The following CADPS variants were observed in gnomAD, a reference collection of about 807,000 sequenced individuals.
The protein encoded by CADPS is calcium dependent secretion activator, also known as calcium-dependent secretion activator 1.
CADPS carries 57 observed loss-of-function variants against 167.3 expected under a neutral mutation model. The observed-to-expected ratio is 0.34, with a 90% CI of 0.28 to 0.42. The LOEUF (loss-of-function observed/expected upper bound fraction) is 0.42. Ranked by LOEUF, CADPS falls within the 20% of genes least tolerant of loss-of-function variation. The pLI is 1.00. For synonymous variants in CADPS, 676 were observed against 635.3 expected, an observed-to-expected ratio of 1.06 and a Z score of -0.96; for missense variants, 1,414 against 1,738.1, an observed-to-expected ratio of 0.81 and a Z score of 3.32.
At chr3:62,516,001 T>C (rs1448836506) in intron 16 of CADPS, 58 bp downstream of exon 16, 1 of 1,604,608 alleles carries the variant, frequency 6.2e-7, no homozygotes, top group Non-Finnish European at 8.5e-7. Flanking sequence ...GAGAAAGACT[T>C]CCCCAGGGAG....
intron 1 of CADPS, among the ~76,000 whole-genome samples, chr3:62,769,186 T>G (rs572153242): frequency 6.6e-6 from 1 of 152,046 alleles, no homozygotes; most frequent in Admixed American, 6.6e-5. Flanking sequence ...ACAGGATGAA[T>G]GCTCAATACA....
chr3:62,811,004 T>C (rs2094366853), intron 1 of CADPS, among the ~76,000 whole-genome samples: 1 of 152,206 alleles, frequency 6.6e-6, no homozygotes. Flanking sequence ...AATAGAGGAA[T>C]AGTAGTTTAT....
intron 28 of CADPS, among the ~76,000 whole-genome samples, chr3:62,413,989 G>A (rs1478658924): frequency 6.6e-6 from 1 of 152,100 alleles, no homozygotes; most frequent in Non-Finnish European, 1.5e-5. Flanking sequence ...ACAGAATTTT[G>A]AGATTATGAA....
intron 6 of CADPS, among the ~76,000 whole-genome samples, chr3:62,610,944 T>C (rs996513813): frequency 1.3e-5 from 2 of 152,112 alleles, no homozygotes; most frequent in Non-Finnish European, 2.9e-5. Context: ...AGACTCATTT[T>C]TCGGCTGTCA....
intron 9 of CADPS, among the ~76,000 whole-genome samples, chr3:62,567,536 G>C (rs1405358934): frequency 1.3e-5 from 2 of 150,276 alleles, no homozygotes; most frequent in African/African-American, 4.9e-5. Flanking sequence ...AGCACTGAGG[G>C]GCGAGAACCA....
chr3:62,427,316 C>G (rs1020737102), intron 28 of CADPS, among the ~76,000 whole-genome samples: 2 of 152,038 alleles, frequency 1.3e-5, no homozygotes, highest in Non-Finnish European at 2.9e-5. Context: ...GACGAGTTCC[C>G]GAGATATCTA....
intron 4 of CADPS, among the ~76,000 whole-genome samples, chr3:62,656,413 A>G (rs1167118236): frequency 1.3e-5 from 2 of 152,174 alleles, no homozygotes; most frequent in African/African-American, 4.8e-5. Context: ...TTGGAAGAAA[A>G]TGAGGCAGAA....
chr3:62,516,048 G>A lies in CADPS; in HGVS notation c.2581+11C>T. 1 of 1,612,786 alleles carries A rather than the reference G, an allele frequency of 6.2e-7. No individual in the cohort carries two copies. The highest frequency in any genetic ancestry group is 1.3e-5 in the African/African-American group (1 of 74,972). ...TTTAAATTCAAAACTGGGGGCAGAA[G>A]GGAGCCTTACCTTCGATTTTGGCAT... is the stretch of plus-strand genomic sequence containing the variant. On this transcript the variant is annotated intron_variant, in intron 16 of 29. Transcript: ENST00000383710.
intron 1 of CADPS, among the ~76,000 whole-genome samples, chr3:62,825,763 T>C (rs17202056): frequency 0.2 from 31,149 of 152,152 alleles, 3,624 homozygotes; most frequent in Middle Eastern, 0.42. Context: ...CAGCTCTTCA[T>C]AGCCTTGTCC....
chr3:62,681,533 GTTA>G (rs1456719777), intron 3 of CADPS, among the ~76,000 whole-genome samples: 1 of 152,024 alleles, frequency 6.6e-6, no homozygotes, highest in Non-Finnish European at 1.5e-5. Context: ...CTATCTTGAT[GTTA>G]TTATTTGCGT....
In CADPS at chr3:62,544,808, C is replaced by A. The variant is rs1577497593; in HGVS notation, c.1966+5095G>T. 1 of 1,095,626 alleles carries A rather than the reference C, an allele frequency of 9.1e-7. No homozygotes were observed. Among genetic ancestry groups the A allele is most frequent in the South Asian group, 1.8e-5 (1 of 55,232 alleles). 67.9% of individuals were successfully genotyped at this position (1,095,626 alleles called of 1,614,324 possible). On this transcript the variant is annotated intron_variant, in intron 11 of 29. Coordinates refer to ENST00000383710, the MANE Select transcript of CADPS (RefSeq NM_003716.4). The surrounding 1 kb of genome is among the most constrained non-coding windows in gnomAD (Gnocchi z 4.4). ...CATTGCAGGTGTCAGATAATCTAATCTGATTATCTGAGCTGTGCTAGCTAT... is the reference window on the plus strand; with the variant it reads ...CATTGCAGGTGTCAGATAATCTAATATGATTATCTGAGCTGTGCTAGCTAT...
At chr3:62,556,164 GC>G (rs2078113145) in intron 10 of CADPS, among the ~76,000 whole-genome samples, 1 of 152,188 alleles carries the variant, frequency 6.6e-6, no homozygotes, top group Admixed American at 6.5e-5. Flanking sequence ...TAAGGCAGGA[GC>G]CCCATCCTTT....
chr3:62,867,301 C>A (rs907424655), intron 1 of CADPS, among the ~76,000 whole-genome samples: 102 of 152,080 alleles, frequency 6.7e-4, no homozygotes, highest in African/African-American at 2.3e-3. Flanking sequence ...CTCTGAGGAT[C>A]CCATCATTTA....
chr3:62,712,324 G>A (rs2083557919), intron 3 of CADPS, among the ~76,000 whole-genome samples: 1 of 152,120 alleles, frequency 6.6e-6, no homozygotes, highest in African/African-American at 2.4e-5. Flanking sequence ...CCAGCAAGGT[G>A]TGAGGGTACA....
intron 1 of CADPS, among the ~76,000 whole-genome samples, chr3:62,804,100 GA>G (rs2093942273): frequency 1.3e-5 from 2 of 152,086 alleles, no homozygotes; most frequent in Admixed American, 1.3e-4. Flanking sequence ...TCACAATCAG[GA>G]CGTATTAATT....
chr3:62,662,772 C>A (rs2073573567), intron 3 of CADPS, among the ~76,000 whole-genome samples: 1 of 152,166 alleles, frequency 6.6e-6, no homozygotes, highest in African/African-American at 2.4e-5. Flanking sequence ...ATGTCAGGAG[C>A]AGACATAGTG....
At chr3:62,603,657 C>T (rs1397906720) in intron 6 of CADPS, among the ~76,000 whole-genome samples, 1 of 152,100 alleles carries the variant, frequency 6.6e-6, no homozygotes, top group Admixed American at 6.6e-5. Flanking sequence ...TTAGCATTTC[C>T]TTTTGATTCT....
chr3:62,466,440 G>A, intron 24 of CADPS, 27 bp from the exon 25 acceptor site: 1 of 1,472,488 alleles, frequency 6.8e-7, no homozygotes, highest in Non-Finnish European at 9.5e-7. Flanking sequence ...ACAAATATTA[G>A]CATGTTTGGG....
Position 62,465,661 on chromosome 3 carries a change from T to C in CADPS, c.3553-211A>G, listed in dbSNP as rs1364682513. ...CGGCTTTCTCTTCATTATTATGTGA[T>C]TGCAAATATAGAGTGTTACAGAAGT... On this transcript the variant is annotated intron_variant, in intron 25 of 29. Transcript: ENST00000383710. This position sits in a 1 kb window ranked among gnomAD's most constrained non-coding sequence, Gnocchi z 4.1. 1.3e-5 allele frequency among the ~76,000 whole-genome samples: 2 copies of C among 152,354 alleles called. No individual in the cohort carries two copies. Among genetic ancestry groups the C allele is most frequent in the Middle Eastern group, 3.4e-3 (1 of 294 alleles).
Sources: gnomAD v4.1 joint callset for allele counts (sites outside exome capture counted in the v4.1 genomes callset) on GRCh38, gnomAD v4.1.1 for gene constraint, Gnocchi (gnomAD v3.1) non-coding constraint, MANE v1.5 for transcripts, NCBI Gene and HGNC (gene_info 2026-07-23, HGNC 2026-07-21) for gene names.